DHRS12: variants seen among roughly 807,000 people sequenced by gnomAD.
The protein encoded by DHRS12 is dehydrogenase/reductase 12, also known as dehydrogenase/reductase SDR family member 12.
A neutral mutation model predicts 32.1 loss-of-function variants in DHRS12; 29 were observed. That is an observed-to-expected ratio of 0.90 (90% CI 0.67 to 1.23). The LOEUF is 1.23. Among genes scored for constraint, DHRS12 ranks in the 50% most tolerant of loss-of-function variants. DHRS12 has a pLI of 0.00. For missense variants in DHRS12, 330 were observed against 337.2 expected, an observed-to-expected ratio of 0.98 and a Z score of 0.17; for synonymous variants, 150 against 135.9, an observed-to-expected ratio of 1.10 and a Z score of -0.72.
At chr13:51,785,272 C>T (rs1280284767) in intron 4 of DHRS12, among the ~76,000 whole-genome samples, 1 of 151,810 alleles carries the variant, frequency 6.6e-6, no homozygotes, top group African/African-American at 2.4e-5. Context: ...TGCCTTTGTT[C>T]GTTAGGTATT....
At position 51,768,163 on chromosome 13, in the gene DHRS12, G is replaced by C; in HGVS notation, c.*24C>G. 6.5e-7 allele frequency: 1 copy of C among 1,536,088 alleles called. No homozygotes were observed. The highest frequency in any genetic ancestry group is 8.7e-7 in the Non-Finnish European group (1 of 1,146,878). On this transcript the variant is annotated 3_prime_UTR_variant, in exon 9 of 9. Coordinates refer to ENST00000444610, the MANE Select transcript of DHRS12 (RefSeq NM_001377533.1). The stretch of plus-strand genomic sequence containing the variant: ...TCTGGTATCTTCTAAGGCAATTCTG[G>C]TACCGCACTGTGTCTGGGTTGGCCT...
intron 4 of DHRS12, among the ~76,000 whole-genome samples, chr13:51,784,722 G>A (rs1489377136): frequency 2.0e-5 from 3 of 152,226 alleles, no homozygotes; most frequent in Non-Finnish European, 2.9e-5. Flanking sequence ...CGCGTGCCCT[G>A]TCTAAGGAAG....
chr13:51,781,818 T>C (rs1246228149), intron 4 of DHRS12, among the ~76,000 whole-genome samples: 96 of 151,820 alleles, frequency 6.3e-4, no homozygotes, highest in Non-Finnish European at 2.9e-5. Flanking sequence ...AACCAAGGGG[T>C]GACTTTAAGC....
At chr13:51,784,089 G>T (rs1954842073) in intron 4 of DHRS12, among the ~76,000 whole-genome samples, 1 of 152,208 alleles carries the variant, frequency 6.6e-6, no homozygotes, top group Non-Finnish European at 1.5e-5. Flanking sequence ...TGGGGAGGTT[G>T]AGGACATTTG....
intron 6 of DHRS12, 37 bp downstream of exon 6, chr13:51,773,893 G>A (rs1954174573): frequency 3.2e-6 from 5 of 1,574,766 alleles, no homozygotes; most frequent in Middle Eastern, 1.7e-4. Flanking sequence ...CGCAGCCCGT[G>A]GGTAAAATGC....
At chr13:51,796,445 A>G (rs1955514862) in intron 2 of DHRS12, among the ~76,000 whole-genome samples, 1 of 152,162 alleles carries the variant, frequency 6.6e-6, no homozygotes, top group Admixed American at 6.5e-5. Flanking sequence ...CGTCAAGTGT[A>G]TCTGTATGGA....
chr13:51,767,477 A>T (rs1423278237), downstream of DHRS12: 1 of 152,138 alleles, frequency 6.6e-6, no homozygotes, highest in African/African-American at 2.4e-5. Flanking sequence ...TTCCTCTGCT[A>T]TGGGGGATGA....
At chr13:51,773,884 G>A (rs375501273) in intron 6 of DHRS12, 46 bp downstream of exon 6, 19 of 1,537,574 alleles carry the variant, frequency 1.2e-5, no homozygotes, top group African/African-American at 5.5e-5. Context: ...AAGGGCCCTC[G>A]CAGCCCGTGG....
intron 4 of DHRS12, 124 bp from the exon 5 acceptor site, chr13:51,777,245 G>A (rs956365926): frequency 2.1e-6 from 2 of 969,570 alleles, no homozygotes; most frequent in Non-Finnish European, 3.2e-6. Context: ...GTGGCCACCT[G>A]AGGGGCAGTC....
chr13:51,783,662 A>T (rs1043702155), intron 4 of DHRS12, among the ~76,000 whole-genome samples: 2 of 151,962 alleles, frequency 1.3e-5, no homozygotes, highest in African/African-American at 4.8e-5. Context: ...TCCTGCCCCT[A>T]GCCACTCCCT....
intron 4 of DHRS12, among the ~76,000 whole-genome samples, chr13:51,784,700 C>T (rs1379023802): frequency 6.6e-6 from 1 of 152,192 alleles, no homozygotes; most frequent in Non-Finnish European, 1.5e-5. Context: ...AGTAAGAATG[C>T]CTGGCACCAA....
intron 2 of DHRS12, among the ~76,000 whole-genome samples, chr13:51,797,268 T>G (rs1955550069): frequency 6.6e-6 from 1 of 152,218 alleles, no homozygotes; most frequent in Non-Finnish European, 1.5e-5. Flanking sequence ...GTAGAAATTC[T>G]AAATAACTTT....
At chr13:51,803,882 A>C (rs1955871283) in intron 1 of DHRS12, 172 bp downstream of exon 1, 2 of 512,500 alleles carry the variant, frequency 3.9e-6, no homozygotes, top group Non-Finnish European at 6.0e-6. Flanking sequence ...CGACTGCCCC[A>C]CGCCCAGCCG....
At chr13:51,785,671 G>C (rs966810388) in intron 4 of DHRS12, among the ~76,000 whole-genome samples, 1 of 152,222 alleles carries the variant, frequency 6.6e-6, no homozygotes, top group Non-Finnish European at 1.5e-5. Flanking sequence ...CAAACCTGCA[G>C]CTTGGAGACA....
chr13:51,785,710 G>A (rs1401745390), intron 4 of DHRS12, among the ~76,000 whole-genome samples: 4 of 152,222 alleles, frequency 2.6e-5, no homozygotes. Context: ...AGATCAGCCT[G>A]CTCAATAGAT....
Position 51,769,291 on chromosome 13 carries a change from C to A in DHRS12, c.562G>T (p.Val188Leu), listed in dbSNP as rs1953901881. The A allele has an allele frequency of 6.4e-7, 1 of 1,566,890 alleles. No individual in the cohort carries two copies. Among genetic ancestry groups the A allele is most frequent in the Admixed American group, 1.8e-5 (1 of 55,414 alleles). ...TGGAACCCCGGCATCGCCTGCCTCA[C>A]ACCTGGGAGAAGGAAGGGTCAGGCG... ...MHPGWADTPG[V>L]RQAMPGFHAR... Residue 188 changes from valine to leucine, a missense_variant and splice_region_variant, in exon 8 of 9, where the codon GTG (valine) becomes TTG (leucine). Physicochemically the swap from Val to Leu is conservative, Grantham distance 32. Coordinates refer to ENST00000444610, the MANE Select transcript of DHRS12 (RefSeq NM_001377533.1).
rs1036488314 is a variant in DHRS12, at chr13:51,771,470, C to T, written c.559+351G>A. 13 of 1,614,070 alleles carry T rather than the reference C, an allele frequency of 8.1e-6. No homozygotes were observed. In the Admixed American group the frequency reaches 1.5e-4, roughly 19 times the overall value. On this transcript the variant is annotated intron_variant, in intron 7 of 8. Transcript: ENST00000444610. Reference sequence around the variant, plus strand: ...AGGCAGTCTGGGCCTCTCCCACTACCTTCCTCAGCTCCTGCTCATTCCTGT... The same window carrying T: ...AGGCAGTCTGGGCCTCTCCCACTACTTTCCTCAGCTCCTGCTCATTCCTGT...
At chr13:51,796,759 C>T (rs1402690296) in intron 2 of DHRS12, among the ~76,000 whole-genome samples, 1 of 152,164 alleles carries the variant, frequency 6.6e-6, no homozygotes, top group Admixed American at 6.5e-5. Context: ...TCGAGAACTG[C>T]AGCCCGCAGA....
intron 2 of DHRS12, among the ~76,000 whole-genome samples, chr13:51,793,758 A>C (rs1028686483): frequency 6.6e-6 from 1 of 152,164 alleles, no homozygotes; most frequent in Non-Finnish European, 1.5e-5. Flanking sequence ...TAATCCTTCC[A>C]TTTTGAGGCC....
Sources: allele counts gnomAD v4.1 joint callset (sites outside exome capture counted in the v4.1 genomes callset), GRCh38; gene constraint gnomAD v4.1.1; transcripts MANE v1.5; gene names NCBI Gene and HGNC (gene_info 2026-07-23, HGNC 2026-07-21).